The following MYH11 variants were observed in gnomAD, a reference collection of about 807,000 sequenced individuals.
The protein encoded by MYH11 is myosin-11.
MYH11 carries 80 observed loss-of-function variants against 246.6 expected under a neutral mutation model. That is an observed-to-expected ratio of 0.32 (90% CI 0.27 to 0.39). The LOEUF is 0.39. Among genes scored for constraint, MYH11 ranks in the 10% least tolerant of loss-of-function variants. MYH11 has a pLI of 1.00. For missense variants in MYH11, 2,158 were observed against 2,546.8 expected, an observed-to-expected ratio of 0.85 and a Z score of 3.29; for synonymous variants, 1,071 against 1,015.5, an observed-to-expected ratio of 1.05 and a Z score of -1.04.
At chr16:15,778,181 AG>A (rs2042267708) in intron 7 of MYH11, among the ~76,000 whole-genome samples, 1 of 152,192 alleles carries the variant, frequency 6.6e-6, no homozygotes, top group Non-Finnish European at 1.5e-5. Context: ...TTCACCGCTC[AG>A]GTTCATGAAA....
chr16:15,768,233 CAT>C (rs1333118561), intron 9 of MYH11, among the ~76,000 whole-genome samples: 1 of 152,204 alleles, frequency 6.6e-6, no homozygotes, highest in Non-Finnish European at 1.5e-5. Context: ...CAACATCAGA[CAT>C]GTGTACCACC....
intron 1 of MYH11, among the ~76,000 whole-genome samples, chr16:15,846,040 C>T (rs1043227653): frequency 2.0e-4 from 31 of 151,908 alleles, no homozygotes; most frequent in African/African-American, 6.8e-4. Flanking sequence ...TGGAGGTTGC[C>T]GTAAGCCGAC....
intron 4 of MYH11, among the ~76,000 whole-genome samples, chr16:15,788,075 A>ATTTTTTTTTTTTTTTTTTTT (rs1555569323): frequency 1.2e-4 from 5 of 42,712 alleles, no homozygotes; most frequent in African/African-American, 6.6e-4. Context: ...ATGAAGGTAG[A>ATTTTTTTTTTTTTTTTTTTT]TCTTTTTTTT....
intron 25 of MYH11, among the ~76,000 whole-genome samples, chr16:15,737,197 A>G (rs2041143451): frequency 6.6e-6 from 1 of 152,210 alleles, no homozygotes; most frequent in African/African-American, 2.4e-5. Context: ...AGGCAGCAGC[A>G]ACACCATGGG....
At chr16:15,818,886 T>C (rs1452071528) in intron 3 of MYH11, among the ~76,000 whole-genome samples, 1 of 152,190 alleles carries the variant, frequency 6.6e-6, no homozygotes, top group Non-Finnish European at 1.5e-5. Flanking sequence ...TTTCATTTTC[T>C]TTCTTTCTTT....
intron 9 of MYH11, 82 bp from the exon 10 acceptor site, chr16:15,763,973 G>A: frequency 9.5e-7 from 1 of 1,057,150 alleles, no homozygotes. Flanking sequence ...AAGCCACTGG[G>A]GACCCAGAGC....
rs556498218 is a variant in MYH11, at chr16:15,714,217, C to G, written c.5786+692G>C. ...GCAGCCCTTGGGAGCAGGGGGGACC[C>G]CCAAGGTACCAGAGGCATGGGAGAG... On this transcript the variant is annotated intron_variant, in intron 40 of 40. Coordinates refer to ENST00000300036, the MANE Select transcript of MYH11 (RefSeq NM_002474.3). The G allele has an allele frequency of 3.2e-5, 5 of 153,900 alleles. No individual in the cohort carries two copies. In the South Asian group the frequency reaches 1.0e-3, roughly 32 times the overall value. The allele number at this position is 153,900 out of a possible 1,614,324, so 9.5% of individuals were successfully genotyped here.
At position 15,704,020 on chromosome 16, in the gene MYH11, C is replaced by G. The variant is rs781487785; in HGVS notation, c.5890G>C (p.Asp1964His). The G allele has an allele frequency of 3.1e-6, 5 of 1,613,930 alleles. No individual in the cohort carries two copies. Among genetic ancestry groups the G allele is most frequent in the Non-Finnish European group, 4.2e-6 (5 of 1,180,030 alleles). Reference sequence around the variant, plus strand: ...TCACTGGCCTTGGTTCCATTGAAGTCTGCGTCTCGAGTGTCCGTTTCCTCC... The same window carrying G: ...TCACTGGCCTTGGTTCCATTGAAGTGTGCGTCTCGAGTGTCCGTTTCCTCC... ...SEEETDTRDADFNGTKASE is the reference protein window; with the variant it reads ...SEEETDTRDAHFNGTKASE The change falls in exon 41 of 41, where the codon GAC becomes CAC. Residue 1964 changes from aspartate to histidine, a missense_variant. Around this residue, in one of 11 missense-constraint regions of MYH11, gnomAD observed 1,013 missense variants for 993.5 expected, o/e 1.02. Coordinates refer to ENST00000300036, the MANE Select transcript of MYH11 (RefSeq NM_002474.3).
At chr16:15,745,469 C>A (rs1466064390) in intron 19 of MYH11, among the ~76,000 whole-genome samples, 1 of 152,138 alleles carries the variant, frequency 6.6e-6, no homozygotes, top group Non-Finnish European at 1.5e-5. Flanking sequence ...TCACAACATG[C>A]CCTGGACTTA....
At chr16:15,731,473 A>G (rs984901739) in intron 27 of MYH11, among the ~76,000 whole-genome samples, 2 of 151,550 alleles carry the variant, frequency 1.3e-5, no homozygotes, top group African/African-American at 2.4e-5. Flanking sequence ...CTGTATGAGA[A>G]GCATTTCTAT....
Position 15,787,676 on chromosome 16 carries a change from T to C in MYH11, c.531-944A>G, listed in dbSNP as rs367763172. ...TTTTAGTAGAGACGGGGTTTCACCA[T>C]GTTAGCCAGGATGGTCTCGATCTCC... On this transcript the variant is annotated intron_variant, in intron 4 of 40. Coordinates refer to ENST00000300036, the MANE Select transcript of MYH11 (RefSeq NM_002474.3). 1.3e-4 allele frequency among the ~76,000 whole-genome samples: 19 copies of C among 151,896 alleles called. No homozygotes were observed. The East Asian group carries it at 3.3e-3, about 27-fold the overall frequency.
At position 15,823,261 on chromosome 16, in the gene MYH11, G is replaced by T; in HGVS notation, c.496C>A (p.Leu166Ile). The T allele has an allele frequency of 6.2e-7, 1 of 1,614,224 alleles. No homozygotes were observed. The highest frequency in any genetic ancestry group is 8.5e-7 in the Non-Finnish European group (1 of 1,180,046). Residue 166 changes from leucine (L) to isoleucine (I), a missense_variant, in exon 3 of 41, where the codon CTT becomes ATT. By Grantham distance (5) the Leu-to-Ile change is conservative (BLOSUM62 2). Around this residue, in one of 11 missense-constraint regions of MYH11, gnomAD observed 123 missense variants for 207.1 expected, o/e 0.59. Coordinates refer to ENST00000300036, the MANE Select transcript of MYH11 (RefSeq NM_002474.3). ...CAGCCCTGAGTTCACTCACCTTGAA[G>T]CATGCTCCGGTAGGCCGTGTCTGCG... ...AIADTAYRSMLQDREDQSILC... is the reference protein window; with the variant it reads ...AIADTAYRSMIQDREDQSILC...
chr16:15,776,921 T>C (rs2042234337), intron 7 of MYH11, among the ~76,000 whole-genome samples: 1 of 152,124 alleles, frequency 6.6e-6, no homozygotes, highest in Non-Finnish European at 1.5e-5. Flanking sequence ...GCTACTGTAC[T>C]GGGTGGATTT....
intron 3 of MYH11, among the ~76,000 whole-genome samples, chr16:15,817,497 C>T (rs1208038681): frequency 6.6e-6 from 1 of 150,716 alleles, no homozygotes; most frequent in African/African-American, 2.5e-5. Flanking sequence ...GGTGGCAGGG[C>T]GAGACTCTGC....
intron 4 of MYH11, among the ~76,000 whole-genome samples, chr16:15,789,871 T>G (rs186262394): frequency 6.2e-4 from 95 of 152,338 alleles, no homozygotes; most frequent in Non-Finnish European, 1.1e-3. Flanking sequence ...GACAGCAGTG[T>G]GCACAAACAA....
chr16:15,851,993 C>A (rs548646123), intron 1 of MYH11, among the ~76,000 whole-genome samples: 1 of 152,258 alleles, frequency 6.6e-6, no homozygotes, highest in East Asian at 1.9e-4. Flanking sequence ...CCTTGTGCTG[C>A]AGTATCAGTC....
At chr16:15,758,119 A>G (rs894727893) in intron 12 of MYH11, 119 bp from the exon 13 acceptor site, 26 of 1,458,804 alleles carry the variant, frequency 1.8e-5, no homozygotes, top group Non-Finnish European at 2.4e-5. Flanking sequence ...CTGTTCTGCC[A>G]TCCCAGCACC....
chr16:15,794,743 A>G (rs777755775), intron 4 of MYH11, among the ~76,000 whole-genome samples: 2 of 152,204 alleles, frequency 1.3e-5, no homozygotes, highest in Non-Finnish European at 2.9e-5. Context: ...CCCTGTGGGA[A>G]GGATGGAGGG....
At chr16:15,754,627 A>G (rs1373754849) in intron 14 of MYH11, among the ~76,000 whole-genome samples, 1 of 152,180 alleles carries the variant, frequency 6.6e-6, no homozygotes, top group Non-Finnish European at 1.5e-5. Context: ...GATAGTAGAT[A>G]TTTTTGGCTT....
Sources: allele counts gnomAD v4.1 joint callset (sites outside exome capture counted in the v4.1 genomes callset), GRCh38; gene constraint gnomAD v4.1.1; regional missense constraint gnomAD v4.1.1; transcripts MANE v1.5; gene names NCBI Gene and HGNC (gene_info 2026-07-23, HGNC 2026-07-21).